Variants in PIK3C2A observed in about 807,000 individuals in gnomAD.
PIK3C2A encodes the protein phosphatidylinositol-4-phosphate 3-kinase catalytic subunit type 2 alpha.
Under a neutral mutation model 204.5 loss-of-function variants are expected in PIK3C2A, and 97 were observed. The observed-to-expected ratio is 0.47, with a 90% CI of 0.40 to 0.56. The LOEUF is 0.56. PIK3C2A is among the 20% of genes least tolerant of loss of function. The pLI, the probability that PIK3C2A is intolerant of heterozygous loss-of-function variation, is 0.00. For missense variants in PIK3C2A, 1,735 were observed against 1,969.2 expected, an observed-to-expected ratio of 0.88 and a Z score of 2.25; for synonymous variants, 653 against 664.4, an observed-to-expected ratio of 0.98 and a Z score of 0.26.
chr11:17,117,646 C>T lies in PIK3C2A; in HGVS notation c.3061G>A (p.Val1021Ile), dbSNP rs1295711372. The change falls in exon 19 of 33, where the codon GTA (valine) becomes ATA (isoleucine). Residue 1021 changes from valine (V) to isoleucine (I), a missense_variant. Val to Ile is a conservative substitution (Grantham distance 29). Around this residue, in one of 6 missense-constraint regions of PIK3C2A, gnomAD observed 567 missense variants for 576.0 expected, o/e 0.98. Transcript: ENST00000691414. ...YWLLKDALHD[V>I]QFSTRYEHVL... ...TGTTCGTATCGGGTACTAAACTGTACATCATGCAGGGCATCTTTGAGAAGC... is the reference window on the plus strand; with the variant it reads ...TGTTCGTATCGGGTACTAAACTGTATATCATGCAGGGCATCTTTGAGAAGC... 6.5e-6 allele frequency: 10 copies of T among 1,549,336 alleles called. No individual in the cohort carries two copies. The South Asian group carries it at 6.7e-5, about 10-fold the overall frequency.
chr11:17,095,765 AT>A (rs1848436784), intron 27 of PIK3C2A, among the ~76,000 whole-genome samples: 1 of 151,474 alleles, frequency 6.6e-6, no homozygotes, highest in Admixed American at 6.6e-5. Flanking sequence ...AAATACAAAA[AT>A]TAGCCGGGTG....
At chr11:17,160,742 C>T (rs1386852103) in intron 2 of PIK3C2A, among the ~76,000 whole-genome samples, 1 of 151,888 alleles carries the variant, frequency 6.6e-6, no homozygotes, top group Admixed American at 6.6e-5. Flanking sequence ...GAGGATGGCT[C>T]GAACCCAGGA....
At chr11:17,094,180 G>A (rs1398702801) in intron 28 of PIK3C2A, 81 bp downstream of exon 28, 1 of 1,053,124 alleles carries the variant, frequency 9.5e-7, no homozygotes, top group African/African-American at 1.6e-5. Context: ...CTTACTAAGT[G>A]TTAACACAAA....
intron 1 of PIK3C2A, among the ~76,000 whole-genome samples, chr11:17,174,457 A>G (rs1398717871): frequency 1.2e-5 from 1 of 85,128 alleles, no homozygotes; most frequent in Non-Finnish European, 2.3e-5. Context: ...AGCCGGGCGT[A>G]GTGGCGGGCG....
intron 18 of PIK3C2A, among the ~76,000 whole-genome samples, chr11:17,117,874 C>T (rs550650253): frequency 7.3e-5 from 11 of 151,706 alleles, no homozygotes; most frequent in Admixed American, 5.3e-4. Context: ...CCACCACACC[C>T]GGCTAATTTT....
rs1849709921 is a variant in PIK3C2A, at chr11:17,131,951, G to T, written c.2196C>A (p.Tyr732Ter). 2 of 1,598,598 alleles carry T rather than the reference G, an allele frequency of 1.3e-6. No homozygotes were observed. The highest frequency in any genetic ancestry group is 1.3e-5 in the African/African-American group (1 of 74,326). The change falls in exon 12 of 33, where the codon TAC (tyrosine) becomes TAA (stop). Residue 732 changes from tyrosine to a stop codon, truncating the protein, a stop_gained. Transcript: ENST00000691414. LOFTEE classifies it high-confidence loss of function. Reference sequence around the variant, plus strand: ...ATTTAATAAGATAGAAGAAATTCTTGTAAGTGCCAACCTTCTTTGATTGAA... The same window carrying T: ...ATTTAATAAGATAGAAGAAATTCTTTTAAGTGCCAACCTTCTTTGATTGAA... ...KPIQSKKVGT[Y>*]KNFFYLIKWD...
At chr11:17,113,069 T>TAA (rs1849051675) in intron 20 of PIK3C2A, among the ~76,000 whole-genome samples, 1 of 152,052 alleles carries the variant, frequency 6.6e-6, no homozygotes, top group Non-Finnish European at 1.5e-5. Context: ...TGGACTGCAA[T>TAA]GGTGCAATCT....
At chr11:17,145,045 T>C (rs1386735551) in intron 8 of PIK3C2A, among the ~76,000 whole-genome samples, 1 of 152,134 alleles carries the variant, frequency 6.6e-6, no homozygotes, top group African/African-American at 2.4e-5. Context: ...GTACCTCCAT[T>C]GTATCCAGGA....
chr11:17,095,368 T>A, intron 27 of PIK3C2A, among the ~76,000 whole-genome samples: 1 of 143,198 alleles, frequency 7.0e-6, no homozygotes, highest in East Asian at 2.1e-4. Flanking sequence ...AAGGTCAGGA[T>A]ATTGAGACCA....
chr11:17,114,986 TAAAGAGA>T (rs369581140), intron 19 of PIK3C2A, among the ~76,000 whole-genome samples: 148 of 152,288 alleles, frequency 9.7e-4, no homozygotes, highest in Non-Finnish European at 1.8e-3. Flanking sequence ...TATTGTTTAG[TAAAGAGA>T]AAACAGGTAA....
At chr11:17,172,523 AC>A (rs1385508486) in intron 1 of PIK3C2A, among the ~76,000 whole-genome samples, 8 of 152,336 alleles carry the variant, frequency 5.3e-5, no homozygotes. Flanking sequence ...CAAATTGATA[AC>A]CCACAGAATC....
In PIK3C2A at chr11:17,189,042, C is replaced by T. The variant is rs147206224; in HGVS notation, c.-66+18806G>A. ...AAGAACAAAGAGAACCTCCCAGCGA[C>T]CTAAAAAGCTGGCAGCTCAGCTGGC... is the stretch of plus-strand genomic sequence containing the variant. On this transcript the variant is annotated intron_variant, in intron 1 of 32. Coordinates refer to ENST00000691414, the MANE Select transcript of PIK3C2A (RefSeq NM_002645.4). 6.2e-4 allele frequency among the ~76,000 whole-genome samples: 91 copies of T among 146,888 alleles called. 1 individual carries two copies. The East Asian group carries it at 0.016, about 26-fold the overall frequency.
chr11:17,125,553 G>A (rs924012146), intron 13 of PIK3C2A, among the ~76,000 whole-genome samples: 1 of 151,378 alleles, frequency 6.6e-6, no homozygotes, highest in African/African-American at 2.4e-5. Context: ...TCGTTCTGTC[G>A]CCCAGGCTGG....
chr11:17,160,843 A>AAAAC (rs928211244), intron 2 of PIK3C2A, among the ~76,000 whole-genome samples: 14 of 152,160 alleles, frequency 9.2e-5, no homozygotes, highest in Non-Finnish European at 1.5e-4. Context: ...AAACCAAAAC[A>AAAAC]AAACAAACAA....
At chr11:17,165,938 GAATA>G (rs1434214729) in intron 2 of PIK3C2A, among the ~76,000 whole-genome samples, 2 of 151,778 alleles carry the variant, frequency 1.3e-5, no homozygotes, top group African/African-American at 4.8e-5. Flanking sequence ...GTAAATAATA[GAATA>G]AACACCCAGG....
chr11:17,206,066 T>A (rs375731540), intron 1 of PIK3C2A, among the ~76,000 whole-genome samples: 8 of 152,270 alleles, frequency 5.3e-5, no homozygotes, highest in African/African-American at 1.9e-4. Context: ...GAGGTTGCAG[T>A]GAGCTCTCGT....
intron 12 of PIK3C2A, 23 bp from the exon 13 acceptor site, chr11:17,129,490 A>G (rs1442064243): frequency 7.5e-6 from 11 of 1,464,678 alleles, no homozygotes; most frequent in Non-Finnish European, 1.0e-5. Context: ...AAATGTATTA[A>G]TAGAACAAAT....
rs1849394435 is a variant in PIK3C2A, at chr11:17,122,391, T to C, written c.2512-58A>G. ...AGTCTACGTATTTGCCACATTAACC[T>C]CTTTGTCTTTAAGAAAACAGATTTT... On this transcript the variant is annotated intron_variant, in intron 14 of 32. Coordinates refer to ENST00000691414, the MANE Select transcript of PIK3C2A (RefSeq NM_002645.4). The C allele has an allele frequency of 2.9e-6, 3 of 1,052,514 alleles. No individual in the cohort carries two copies. In the Admixed American group the frequency reaches 6.9e-5, roughly 24 times the overall value. The allele number at this position is 1,052,514 out of a possible 1,614,324, so 65.2% of individuals were successfully genotyped here.
chr11:17,154,093 G>T (rs920551281), intron 3 of PIK3C2A, among the ~76,000 whole-genome samples: 4 of 152,142 alleles, frequency 2.6e-5, no homozygotes, highest in Admixed American at 2.0e-4. Context: ...GCGTGTGTGT[G>T]TGTGTGTAAA....
Sources: allele counts gnomAD v4.1 joint callset (sites outside exome capture counted in the v4.1 genomes callset), GRCh38; gene constraint gnomAD v4.1.1; regional missense constraint gnomAD v4.1.1; transcripts MANE v1.5; gene names NCBI Gene and HGNC (gene_info 2026-07-23, HGNC 2026-07-21).